EDEM1: variants seen among roughly 807,000 people sequenced by gnomAD.
EDEM1 encodes the protein ER degradation enhancing alpha-mannosidase like protein 1.
In EDEM1, 67 loss-of-function variants were observed where a neutral mutation model predicts 74.4. The ratio of observed to expected loss-of-function variants is 0.90; its 90% CI spans 0.74 to 1.10. EDEM1 has a LOEUF of 1.10. Ranked by LOEUF, EDEM1 falls within the 50% of genes least tolerant of loss-of-function variation. EDEM1 has a pLI of 0.00. For missense variants in EDEM1, 926 were observed against 851.6 expected, an observed-to-expected ratio of 1.09 and a Z score of -1.09; for synonymous variants, 382 against 335.9, an observed-to-expected ratio of 1.14 and a Z score of -1.50.
In EDEM1 at chr3:5,188,008, G is replaced by C; in HGVS notation, c.203G>C (p.Gly68Ala). Reference protein sequence around the residue: ...GPVGRPGGVSGPSWLQPPGTG... With the variant: ...GPVGRPGGVSAPSWLQPPGTG... The stretch of plus-strand genomic sequence containing the variant: ...GTGGGCCGGCCTGGGGGGGTATCCG[G>C]GCCGTCGTGGCTGCAGCCGCCGGGG... Residue 68 changes from glycine to alanine, a missense_variant, in exon 1 of 12, where the codon GGG (glycine) becomes GCG (alanine). Gly to Ala is a moderately conservative substitution (Grantham distance 60). Transcript: ENST00000256497. The C allele has an allele frequency of 6.7e-7, 1 of 1,489,942 alleles. No homozygotes were observed. The highest frequency in any genetic ancestry group is 1.3e-5 in the South Asian group (1 of 77,998). The allele number at this position is 1,489,942 out of a possible 1,614,324, so 92.3% of individuals were successfully genotyped here.
chr3:5,206,289 C>T (rs1017920822), intron 6 of EDEM1, among the ~76,000 whole-genome samples: 1 of 151,518 alleles, frequency 6.6e-6, no homozygotes, highest in African/African-American at 2.4e-5. Flanking sequence ...CTCACTGCAA[C>T]CTCTGCCTCC....
chr3:5,217,648 A>C lies in EDEM1; in HGVS notation c.*1730A>C, dbSNP rs1333149178. On this transcript the variant is annotated 3_prime_UTR_variant, in exon 12 of 12. Coordinates refer to ENST00000256497, the MANE Select transcript of EDEM1 (RefSeq NM_014674.3). ...TATTACAACAATTGTTTTAAAATAG[A>C]AAAAATAAAATGCTTCTATTTTACC... 6.6e-6 allele frequency: 1 copy of C among 152,634 alleles called. No individual in the cohort carries two copies. The highest frequency in any genetic ancestry group is 1.5e-5 in the Non-Finnish European group (1 of 68,044). 9.5% of individuals were successfully genotyped at this position (152,634 alleles called of 1,614,324 possible).
At chr3:5,196,762 C>T (rs946443801) in intron 2 of EDEM1, among the ~76,000 whole-genome samples, 8 of 152,068 alleles carry the variant, frequency 5.3e-5, no homozygotes, top group Non-Finnish European at 8.8e-5. Context: ...AAAATGTGCC[C>T]AGACAAGTAT....
intron 1 of EDEM1, among the ~76,000 whole-genome samples, chr3:5,192,090 A>G (rs1022275073): frequency 1.3e-5 from 2 of 152,244 alleles, no homozygotes; most frequent in Admixed American, 1.3e-4. Flanking sequence ...GCCCTCTTTC[A>G]GAGTCAGGCT....
intron 10 of EDEM1, among the ~76,000 whole-genome samples, chr3:5,212,045 C>G (rs1464844570): frequency 1.3e-5 from 2 of 152,218 alleles, no homozygotes; most frequent in African/African-American, 4.8e-5. Flanking sequence ...TTGTGTTTAT[C>G]TAGTTCCGTG....
intron 2 of EDEM1, among the ~76,000 whole-genome samples, chr3:5,197,939 A>G (rs2054989349): frequency 6.6e-6 from 1 of 152,144 alleles, no homozygotes; most frequent in Non-Finnish European, 1.5e-5. Flanking sequence ...TATGTGTAAG[A>G]TGTACATTGG....
At chr3:5,208,742 T>TG (rs2055130044) in intron 8 of EDEM1, among the ~76,000 whole-genome samples, 1 of 150,826 alleles carries the variant, frequency 6.6e-6, no homozygotes, top group African/African-American at 2.5e-5. Flanking sequence ...AATGTTTGTG[T>TG]TTGTGTGTGT....
chr3:5,204,693 C>A (rs1237573644), intron 5 of EDEM1, among the ~76,000 whole-genome samples: 1 of 152,136 alleles, frequency 6.6e-6, no homozygotes, highest in African/African-American at 2.4e-5. Context: ...TGCCTGGCCA[C>A]TTTTTCTTTT....
chr3:5,203,078 C>T lies in EDEM1; in HGVS notation c.971C>T (p.Thr324Ile). ...GILSRLLGDS[T>I]FEWVARRAVK... ...CTGAGTCGACTCCTGGGGGACTCCA[C>T]ATTTGAGTGGGTGGCCAGACGAGCA... Residue 324 changes from threonine (T) to isoleucine (I), a missense_variant, in exon 5 of 12, where the codon ACA becomes ATA. By Grantham distance (89) the Thr-to-Ile change is moderately conservative. Transcript: ENST00000256497. The T allele has an allele frequency of 6.2e-7, 1 of 1,612,814 alleles. No individual in the cohort carries two copies. Among genetic ancestry groups the T allele is most frequent in the African/African-American group, 1.3e-5 (1 of 74,948 alleles).
At chr3:5,194,469 G>C (rs548026412) in intron 1 of EDEM1, among the ~76,000 whole-genome samples, 2 of 152,308 alleles carry the variant, frequency 1.3e-5, no homozygotes, top group East Asian at 3.9e-4. Flanking sequence ...CAGTGCCTGA[G>C]GAGCTTCACC....
At position 5,207,354 on chromosome 3, in the gene EDEM1, T is replaced by C. The variant is rs188514531; in HGVS notation, c.1338+81T>C. 2.6e-6 allele frequency: 4 copies of C among 1,568,148 alleles called. No individual in the cohort carries two copies. In the African/African-American group the frequency reaches 5.4e-5, roughly 21 times the overall value. On this transcript the variant is annotated intron_variant, in intron 7 of 11. Transcript: ENST00000256497. ...TCCTTTTCTTTCTTTTTTAATACCC[T>C]GAGCATTCTCTGTCTCCTTTGGATT...
At position 5,207,202 on chromosome 3, in the gene EDEM1, G is replaced by A. The variant is rs528805277; in HGVS notation, c.1267G>A (p.Val423Met). Reference protein sequence around the residue: ...GEGDPPLYVNVNMFSGQLMNT... With the variant: ...GEGDPPLYVNMNMFSGQLMNT... ...AGGAGACCCTCCACTCTATGTCAAC[G>A]TGAACATGTTCAGTGGGCAGCTGAT... The change falls in exon 7 of 12, where the codon GTG (valine) becomes ATG (methionine). Residue 423 changes from valine to methionine, a missense_variant. By Grantham distance (21) the Val-to-Met change is conservative. Transcript: ENST00000256497. The A allele has an allele frequency of 1.4e-5, 23 of 1,614,166 alleles. No individual in the cohort carries two copies. In the Admixed American group the frequency reaches 1.8e-4, roughly 13 times the overall value.
chr3:5,205,760 A>G lies in EDEM1; in HGVS notation c.1217+519A>G, dbSNP rs2055088778. ...CTGAGAGAAAAAGAAAGAGGCCAAA[A>G]TGGCAACCACAGTGCTTTCATGACT... On this transcript the variant is annotated intron_variant, in intron 6 of 11. Transcript: ENST00000256497. Among the ~76,000 whole-genome samples, 6 of 152,228 alleles carry G rather than the reference A, an allele frequency of 3.9e-5. No homozygotes were observed. The South Asian group carries it at 1.0e-3, about 26-fold the overall frequency.
chr3:5,211,173 T>C lies in EDEM1; in HGVS notation c.1637T>C (p.Met546Thr), dbSNP rs751242139. Residue 546 changes from methionine (M) to threonine (T), a missense_variant, in exon 10 of 12, where the codon ATG (methionine) becomes ACG (threonine). Physicochemically the swap from Met to Thr is moderately conservative, Grantham distance 81 (BLOSUM62 -1). Transcript: ENST00000256497. The stretch of plus-strand genomic sequence containing the variant: ...ATTGACAAGTCCACAGAAGACCGGA[T>C]GGAGAGCTTCTTTCTCAGTGAGACC... ...HVIDKSTEDR[M>T]ESFFLSETCK... 1 of 1,614,216 alleles carries C rather than the reference T, an allele frequency of 6.2e-7. No homozygotes were observed. Among genetic ancestry groups the C allele is most frequent in the Non-Finnish European group, 8.5e-7 (1 of 1,180,024 alleles).
intron 2 of EDEM1, 123 bp downstream of exon 2, chr3:5,195,404 T>TA (rs543762774): frequency 3.8e-4 from 173 of 456,020 alleles, no homozygotes; most frequent in Middle Eastern, 1.3e-3. Flanking sequence ...TTAGCTTTGA[T>TA]AACTGTTATT....
intron 11 of EDEM1, among the ~76,000 whole-genome samples, chr3:5,215,118 G>A (rs1424546735): frequency 6.6e-6 from 1 of 152,152 alleles, no homozygotes; most frequent in Non-Finnish European, 1.5e-5. Context: ...GGCCAGTCTT[G>A]ATCTTGCCAG....
rs749736642 is a variant in EDEM1 at position 5,188,261 on chromosome 3, G to A, written c.456G>A (p.Gln152=). 14 of 1,576,336 alleles carry A rather than the reference G, an allele frequency of 8.9e-6. No individual in the cohort carries two copies. The highest frequency in any genetic ancestry group is 2.3e-5 in the South Asian group (2 of 86,982). Reference sequence around the variant, plus strand: ...ACTACATGGCTCACGCCTTCCCCCAGGACGAGCTCAACCCCATCCACTGCC... The same window carrying A: ...ACTACATGGCTCACGCCTTCCCCCAAGACGAGCTCAACCCCATCCACTGCC... ...YDNYMAHAFP[Q]DELNPIHCRG... Residue 152 remains glutamine (Q), a synonymous_variant, in exon 1 of 12, where the codon CAG becomes CAA. Coordinates refer to ENST00000256497, the MANE Select transcript of EDEM1 (RefSeq NM_014674.3).
At chr3:5,208,768 T>TACACACACACAC (rs200676068) in intron 8 of EDEM1, among the ~76,000 whole-genome samples, 2 of 151,012 alleles carry the variant, frequency 1.3e-5, no homozygotes, top group African/African-American at 4.9e-5. Context: ...TGTATATATA[T>TACACACACACAC]ATACACACAC....
At chr3:5,210,331 A>C in intron 9 of EDEM1, 83 bp downstream of exon 9, 1 of 1,301,760 alleles carries the variant, frequency 7.7e-7, no homozygotes, top group Non-Finnish European at 1.1e-6. Flanking sequence ...CCTAGTTTGC[A>C]TTTTAATTTA....
Sources: allele counts gnomAD v4.1 joint callset (sites outside exome capture counted in the v4.1 genomes callset), GRCh38; gene constraint gnomAD v4.1.1; transcripts MANE v1.5; gene names NCBI Gene and HGNC (gene_info 2026-07-23, HGNC 2026-07-21).